The following KIF2A variants were observed in gnomAD, a reference collection of about 807,000 sequenced individuals.
KIF2A encodes the protein kinesin family member 2A.
In KIF2A, 22 loss-of-function variants were observed where a neutral mutation model predicts 100.2. The ratio of observed to expected loss-of-function variants is 0.22; its 90% CI spans 0.16 to 0.31. The LOEUF is 0.31. Among genes scored for constraint, KIF2A ranks in the 10% least tolerant of loss-of-function variants. The pLI, the probability that KIF2A is intolerant of heterozygous loss-of-function variation, is 1.00. For missense variants in KIF2A, 495 were observed against 898.7 expected, an observed-to-expected ratio of 0.55 and a Z score of 5.74; for synonymous variants, 268 against 285.9, an observed-to-expected ratio of 0.94 and a Z score of 0.63.
In KIF2A at chr5:62,347,144, G is replaced by T; in HGVS notation, c.79G>T (p.Ala27Ser). ...IKRSDGRIHQ[A>S]MVTSLNEDNE... ...TTCCCACATAGGCCGAATACATCAA[G>T]CAATGGTAACATCTTTAAATGAAGA... Residue 27 changes from alanine (A) to serine (S), a missense_variant, in exon 2 of 21, where the codon GCA becomes TCA. Around this residue, in one of 10 missense-constraint regions of KIF2A, gnomAD observed 115 missense variants for 143.6 expected, o/e 0.80. Coordinates refer to ENST00000407818, the MANE Select transcript of KIF2A (RefSeq NM_001098511.3). The T allele has an allele frequency of 6.3e-7, 1 of 1,599,960 alleles. No homozygotes were observed. The highest frequency in any genetic ancestry group is 8.5e-7 in the Non-Finnish European group (1 of 1,170,274).
chr5:62,383,229 A>ATTTT lies in KIF2A; in HGVS notation c.2149+2004_2149+2007dup, dbSNP rs70977902. Among the ~76,000 whole-genome samples, 57 of 39,100 alleles carry ATTTT rather than the reference A, an allele frequency of 1.5e-3. 3 individuals carry two copies. Among genetic ancestry groups the ATTTT allele is most frequent in the Non-Finnish European group, 2.2e-3 (50 of 23,078 alleles). 25.7% of individuals were successfully genotyped at this position (39,100 alleles called of 152,430 possible). ...GGCATGAGCCACCATGCCTGGCCAG[A>ATTTT]TTTTTTTTTTTTTTTTTTTTTTTTT... On this transcript the variant is annotated intron_variant, in intron 20 of 20. Coordinates refer to ENST00000407818, the MANE Select transcript of KIF2A (RefSeq NM_001098511.3).
intron 13 of KIF2A, 109 bp from the exon 14 acceptor site, chr5:62,363,586 A>G: frequency 3.1e-6 from 3 of 968,930 alleles, no homozygotes; most frequent in South Asian, 3.3e-5. Flanking sequence ...AAAGATGAAA[A>G]CTAGCTAAAT....
intron 20 of KIF2A, among the ~76,000 whole-genome samples, chr5:62,382,997 G>A (rs1303906333): frequency 6.8e-6 from 1 of 147,664 alleles, no homozygotes; most frequent in African/African-American, 2.5e-5. Context: ...GGCAATCTCA[G>A]CTCACTGCGA....
At chr5:62,337,571 A>C (rs1432901342) in intron 1 of KIF2A, among the ~76,000 whole-genome samples, 2 of 151,848 alleles carry the variant, frequency 1.3e-5, no homozygotes, top group Non-Finnish European at 2.9e-5. Context: ...AGTGGCTCAC[A>C]CCTGTAATCC....
At chr5:62,337,605 G>A (rs971302247) in intron 1 of KIF2A, among the ~76,000 whole-genome samples, 2 of 152,156 alleles carry the variant, frequency 1.3e-5, no homozygotes, top group Admixed American at 6.6e-5. Flanking sequence ...GGCTGATGCA[G>A]GGGAATTGCT....
chr5:62,354,985 G>T (rs541616073), intron 6 of KIF2A, among the ~76,000 whole-genome samples, 174 bp from the exon 7 acceptor site: 93 of 152,208 alleles, frequency 6.1e-4, no homozygotes, highest in African/African-American at 2.1e-3. Context: ...CAAACACAAA[G>T]TGGTTCAGAG....
rs113091554 is a variant in KIF2A at position 62,350,365 on chromosome 5, C to A, written c.334+245C>A. Among the ~76,000 whole-genome samples the A allele has an allele frequency of 0.049, 7,390 of 151,956 alleles. 567 individuals are homozygous for A. The highest frequency in any genetic ancestry group is 0.17 in the African/African-American group (6,880 of 41,412). On this transcript the variant is annotated intron_variant, in intron 4 of 20. Transcript: ENST00000407818. Reference sequence around the variant, plus strand: ...TGAACACAGCTCACTACAGCCTTGACCTCCCAGGGTCAGATGATCCTCCTG... The same window carrying A: ...TGAACACAGCTCACTACAGCCTTGAACTCCCAGGGTCAGATGATCCTCCTG...
intron 1 of KIF2A, among the ~76,000 whole-genome samples, chr5:62,310,302 C>A (rs1387778822): frequency 6.6e-6 from 1 of 152,180 alleles, no homozygotes; most frequent in Admixed American, 6.5e-5. Flanking sequence ...GATCCACCCA[C>A]CTCAGCCTCC....
chr5:62,350,532 C>A (rs1354988224), intron 4 of KIF2A, among the ~76,000 whole-genome samples: 2 of 152,116 alleles, frequency 1.3e-5, no homozygotes, highest in African/African-American at 2.4e-5. Context: ...GGCTTGGCCT[C>A]CCAAAGTGTT....
intron 16 of KIF2A, among the ~76,000 whole-genome samples, chr5:62,370,511 G>A (rs1265170608): frequency 6.6e-6 from 1 of 151,960 alleles, no homozygotes; most frequent in African/African-American, 2.4e-5. Context: ...TGGCCAGGCT[G>A]GTCTCGAACT....
At chr5:62,363,467 C>T in intron 13 of KIF2A, 147 bp downstream of exon 13, 1 of 768,928 alleles carries the variant, frequency 1.3e-6, no homozygotes, top group Non-Finnish European at 2.0e-6. Flanking sequence ...ATGTGAGTGA[C>T]AATTATTATA....
chr5:62,348,035 G>T lies in KIF2A; in HGVS notation c.160-13G>T, dbSNP rs764000437. 5 of 1,612,252 alleles carry T rather than the reference G, an allele frequency of 3.1e-6. No individual in the cohort carries two copies. The highest frequency in any genetic ancestry group is 4.2e-6 in the Non-Finnish European group (5 of 1,178,948). ...TATACTCTCAAAAGACTATGTGTAT[G>T]TGTTGTGAACAGATTGACCTGGAGA... On this transcript the variant is annotated splice_polypyrimidine_tract_variant and intron_variant, in intron 2 of 20. Transcript: ENST00000407818.
chr5:62,317,817 A>C (rs557252139), intron 1 of KIF2A, among the ~76,000 whole-genome samples: 4 of 152,350 alleles, frequency 2.6e-5, no homozygotes, highest in Non-Finnish European at 4.4e-5. Context: ...ACAACAAAAT[A>C]ATAAGTAGCT....
At chr5:62,359,457 TAA>T (rs11345898) in intron 9 of KIF2A, among the ~76,000 whole-genome samples, 2 of 146,428 alleles carry the variant, frequency 1.4e-5, no homozygotes, top group Non-Finnish European at 3.0e-5. Context: ...TAGTCAGTTG[TAA>T]AAAAAAAAAG....
chr5:62,343,720 G>C (rs982305639), intron 1 of KIF2A, among the ~76,000 whole-genome samples: 1 of 152,184 alleles, frequency 6.6e-6, no homozygotes, highest in South Asian at 2.1e-4. Flanking sequence ...AGTAATCTAA[G>C]TACAAGGCAT....
intron 1 of KIF2A, among the ~76,000 whole-genome samples, chr5:62,328,182 T>C (rs933167953): frequency 6.6e-6 from 1 of 152,028 alleles, no homozygotes; most frequent in Non-Finnish European, 1.5e-5. Flanking sequence ...TAAGTAAAGA[T>C]ACATTTGGTA....
At position 62,389,023 on chromosome 5, in the gene KIF2A, A is replaced by G; in HGVS notation, c.*3454A>G. The G allele has an allele frequency of 6.2e-7, 1 of 1,610,022 alleles. No homozygotes were observed. The highest frequency in any genetic ancestry group is 1.3e-5 in the African/African-American group (1 of 74,640). On this transcript the variant is annotated 3_prime_UTR_variant, in exon 21 of 21. Transcript: ENST00000407818. ...TTTTCCAAATACCTAGGAAAAATGA[A>G]TACCTTCTGCGTTGAATCCATGTAG... is the stretch of plus-strand genomic sequence containing the variant.
rs183699439 is a variant in KIF2A at position 62,347,026 on chromosome 5, T to C, written c.65-104T>C. The C allele has an allele frequency of 2.6e-4, 173 of 654,576 alleles. No homozygotes were observed. The African/African-American group carries it at 3.0e-3, about 11-fold the overall frequency. The allele number at this position is 654,576 out of a possible 1,614,324, so 40.5% of individuals were successfully genotyped here. A position where few individuals can be genotyped will look rare whatever the true frequency, so the allele number is the denominator to read the frequency against. ...GGAAATCTCTTGTAAGGAAAAGTAG[T>C]GTCATTTTTTTTTTAATTTCCAAGT... On this transcript the variant is annotated intron_variant, in intron 1 of 20. Coordinates refer to ENST00000407818, the MANE Select transcript of KIF2A (RefSeq NM_001098511.3).
intron 17 of KIF2A, among the ~76,000 whole-genome samples, chr5:62,372,870 TGAAGAGATTG>T (rs1741382333): frequency 6.6e-6 from 1 of 152,178 alleles, no homozygotes; most frequent in Non-Finnish European, 1.5e-5. Context: ...TTGCTTAAAA[TGAAGAGATTG>T]CCTTTATGCT....
Sources: gnomAD v4.1 joint callset for allele counts (sites outside exome capture counted in the v4.1 genomes callset) on GRCh38, gnomAD v4.1.1 for gene constraint, gnomAD v4.1.1 regional missense constraint, MANE v1.5 for transcripts, NCBI Gene and HGNC (gene_info 2026-07-23, HGNC 2026-07-21) for gene names.